MYH11: variants seen among roughly 807,000 people sequenced by gnomAD.
MYH11 encodes myosin heavy chain 11, also known as myosin-11.
Under a neutral mutation model 246.6 loss-of-function variants are expected in MYH11, and 80 were observed. That is an observed-to-expected ratio of 0.32 (90% CI 0.27 to 0.39). MYH11 has a LOEUF of 0.39. Ranked by LOEUF, MYH11 falls within the 10% of genes least tolerant of loss-of-function variation. The pLI is 1.00. For missense variants in MYH11, 2,158 were observed against 2,546.8 expected (o/e 0.85, Z 3.29); for synonymous variants, 1,071 against 1,015.5 (o/e 1.05, Z -1.04).
chr16:15,722,207 A>G (rs2040522956), intron 31 of MYH11, among the ~76,000 whole-genome samples: 1 of 152,180 alleles, frequency 6.6e-6, no homozygotes, highest in Non-Finnish European at 1.5e-5. Flanking sequence ...TGCTTAGAGC[A>G]CACTGAGGTC....
intron 3 of MYH11, 79 bp downstream of exon 3, chr16:15,823,176 A>C: frequency 6.3e-7 from 1 of 1,595,010 alleles, no homozygotes; most frequent in Non-Finnish European, 8.6e-7. Context: ...CAAACTCCAC[A>C]TTCCTGGCAA....
intron 1 of MYH11, among the ~76,000 whole-genome samples, chr16:15,852,089 T>A (rs1331978263): frequency 6.6e-6 from 1 of 152,146 alleles, no homozygotes; most frequent in Non-Finnish European, 1.5e-5. Flanking sequence ...TCCTGTCAGA[T>A]AAGCAGCATT....
chr16:15,724,538 G>A, intron 30 of MYH11, 109 bp downstream of exon 30: 2 of 1,606,494 alleles, frequency 1.2e-6, no homozygotes, highest in East Asian at 2.2e-5. Context: ...GGGAAGCTGG[G>A]GGGTCAAGCA....
intron 9 of MYH11, 46 bp from the exon 10 acceptor site, chr16:15,763,937 A>G: frequency 6.6e-7 from 1 of 1,515,758 alleles, no homozygotes; most frequent in African/African-American, 1.4e-5. Context: ...GGTCAATGCC[A>G]AGGTACCCTG....
At chr16:15,749,668 G>A (rs2041512471) in intron 16 of MYH11, 1 of 231,922 alleles carries the variant, frequency 4.3e-6, no homozygotes, top group Non-Finnish European at 8.6e-6. Context: ...ATTGTACAAT[G>A]CTTAGGGCAT....
intron 34 of MYH11, 41 bp from the exon 35 acceptor site, chr16:15,719,754 C>T: frequency 6.2e-7 from 1 of 1,613,406 alleles, no homozygotes; most frequent in Non-Finnish European, 8.5e-7. Flanking sequence ...GATGTCCTTA[C>T]TCCCCCAAGT....
intron 4 of MYH11, among the ~76,000 whole-genome samples, chr16:15,794,359 C>G (rs2042693107): frequency 6.6e-6 from 1 of 152,236 alleles, no homozygotes; most frequent in Admixed American, 6.5e-5. Flanking sequence ...TCCTTCAAGT[C>G]ACTTTGGCTG....
At chr16:15,800,428 G>GAAGA (rs772435042) in intron 3 of MYH11, among the ~76,000 whole-genome samples, 1 of 151,150 alleles carries the variant, frequency 6.6e-6, no homozygotes, top group East Asian at 2.0e-4. Context: ...GGATAGATAG[G>GAAGA]AAGAAAGAAA....
intron 3 of MYH11, among the ~76,000 whole-genome samples, chr16:15,809,068 A>T (rs1161230044): frequency 6.6e-6 from 1 of 151,944 alleles, no homozygotes; most frequent in Non-Finnish European, 1.5e-5. Context: ...TCCCTAGCCA[A>T]GCCTACACTT....
At chr16:15,834,918 T>G (rs1311060742) in intron 2 of MYH11, among the ~76,000 whole-genome samples, 2 of 150,294 alleles carry the variant, frequency 1.3e-5, no homozygotes, top group Non-Finnish European at 3.0e-5. Context: ...GAAGTTTTTT[T>G]TTTTTTTTTT....
intron 3 of MYH11, among the ~76,000 whole-genome samples, chr16:15,800,600 G>C (rs74830433): frequency 0.049 from 3,948 of 81,186 alleles, 175 homozygotes; most frequent in African/African-American, 0.16. Flanking sequence ...AAATGAGTTG[G>C]ATGGATGGAT....
chr16:15,742,089 A>G, intron 20 of MYH11, 198 bp from the exon 21 acceptor site: 1 of 749,246 alleles, frequency 1.3e-6, no homozygotes, highest in African/African-American at 1.7e-5. Context: ...GAGGCCAGGG[A>G]TACTGCTAAA....
rs772007259 is a variant in MYH11 at position 15,720,200 on chromosome 16, G to C, written c.4904C>G (p.Ser1635Cys). 5.6e-6 allele frequency: 9 copies of C among 1,614,136 alleles called. No homozygotes were observed. The East Asian group carries it at 1.6e-4, about 28-fold the overall frequency. Residue 1635 changes from serine to cysteine, a missense_variant, in exon 34 of 41, where the codon TCT becomes TGT. By Grantham distance (112) the Ser-to-Cys change is moderately radical (BLOSUM62 -1). Coordinates refer to ENST00000300036, the MANE Select transcript of MYH11 (RefSeq NM_002474.3). ...DLKDLELQADSAIKGREEAIK... is the reference protein window; with the variant it reads ...DLKDLELQADCAIKGREEAIK... ...GGCTTCCTCCCTCCCCTTGATGGCA[G>C]AGTCGGCCTGAAGCTCCAGGTCTTT...
At chr16:15,792,057 T>C (rs2042623326) in intron 4 of MYH11, 1 of 152,142 alleles carries the variant, frequency 6.6e-6, no homozygotes, top group South Asian at 2.1e-4. Context: ...AAAATGTTAG[T>C]TATTATTACT....
chr16:15,726,641 T>A (rs2151224456), intron 28 of MYH11: 1 of 646,984 alleles, frequency 1.5e-6, no homozygotes, highest in East Asian at 2.8e-5. Context: ...GTGCTGGGAT[T>A]ACAGGCATGA....
At chr16:15,754,875 G>A (rs539254393) in intron 14 of MYH11, among the ~76,000 whole-genome samples, 5 of 152,180 alleles carry the variant, frequency 3.3e-5, no homozygotes, top group East Asian at 1.9e-4. Context: ...TAGCAGAGAC[G>A]GGCTTTCGCC....
intron 4 of MYH11, 29 bp downstream of exon 4, chr16:15,798,631 A>AC: frequency 6.3e-7 from 1 of 1,576,170 alleles, no homozygotes; most frequent in South Asian, 1.2e-5. Flanking sequence ...AAACAAAAAA[A>AC]AAACAGAAGA....
intron 20 of MYH11, among the ~76,000 whole-genome samples, chr16:15,743,287 A>G (rs867455221): frequency 4.6e-5 from 7 of 152,122 alleles, no homozygotes; most frequent in African/African-American, 1.2e-4. Flanking sequence ...TCCTGCCTCA[A>G]TCTCCTGAGT....
intron 2 of MYH11, among the ~76,000 whole-genome samples, chr16:15,828,656 G>T (rs2043637032): frequency 6.6e-6 from 1 of 151,724 alleles, no homozygotes; most frequent in Non-Finnish European, 1.5e-5. Context: ...AGCCAGGCAT[G>T]ATGGCAGGCG....
Sources: allele counts gnomAD v4.1 joint callset (sites outside exome capture counted in the v4.1 genomes callset), GRCh38; gene constraint gnomAD v4.1.1; transcripts MANE v1.5; gene names NCBI Gene and HGNC (gene_info 2026-07-23, HGNC 2026-07-21).